Variants in MAN1C1 observed in about 807,000 individuals in gnomAD.
MAN1C1 encodes the protein mannosidase alpha class 1C member 1, also known as mannosyl-oligosaccharide 1,2-alpha-mannosidase IC.
MAN1C1 carries 49 observed loss-of-function variants against 71.5 expected under a neutral mutation model. The observed-to-expected ratio is 0.69, with a 90% CI of 0.54 to 0.87. MAN1C1 has a LOEUF of 0.87. Ranked by LOEUF, MAN1C1 falls within the 40% of genes least tolerant of loss-of-function variation. MAN1C1 has a pLI of 0.00. For synonymous variants in MAN1C1, 352 were observed against 343.7 expected (o/e 1.02, Z -0.27); for missense variants, 743 against 835.0 (o/e 0.89, Z 1.36).
intron 9 of MAN1C1, 66 bp from the exon 10 acceptor site, chr1:25,780,874 T>A: frequency 1.9e-6 from 3 of 1,554,208 alleles, no homozygotes; most frequent in Non-Finnish European, 2.6e-6. Flanking sequence ...CTGACATCTC[T>A]CCTGGATCCC....
chr1:25,677,366 G>A (rs1557760862), intron 1 of MAN1C1, among the ~76,000 whole-genome samples: 1 of 152,020 alleles, frequency 6.6e-6, no homozygotes, highest in Non-Finnish European at 1.5e-5. Flanking sequence ...CAGGAAGGGA[G>A]GGGCTTCCAG....
intron 1 of MAN1C1, among the ~76,000 whole-genome samples, chr1:25,657,491 C>G: frequency 6.6e-6 from 1 of 152,224 alleles, no homozygotes; most frequent in East Asian, 1.9e-4. Context: ...GAATCATCCG[C>G]ACACAGAAGC....
intron 2 of MAN1C1, among the ~76,000 whole-genome samples, chr1:25,707,371 G>A (rs1430499689): frequency 6.6e-6 from 1 of 152,228 alleles, no homozygotes; most frequent in Non-Finnish European, 1.5e-5. Context: ...AAAACCCAGG[G>A]AGGAAGGCAA....
intron 2 of MAN1C1, among the ~76,000 whole-genome samples, chr1:25,695,332 G>A (rs1260477490): frequency 6.6e-6 from 1 of 152,114 alleles, no homozygotes; most frequent in Non-Finnish European, 1.5e-5. Flanking sequence ...AGCGCCATCC[G>A]GAGGCCAGAG....
chr1:25,636,984 A>G (rs2045470954), intron 1 of MAN1C1, among the ~76,000 whole-genome samples: 1 of 151,808 alleles, frequency 6.6e-6, no homozygotes, highest in African/African-American at 2.4e-5. Context: ...GTGAAACCCC[A>G]TCTCTACTAA....
intron 1 of MAN1C1, among the ~76,000 whole-genome samples, chr1:25,683,322 C>A (rs1277898927): frequency 6.6e-6 from 1 of 152,212 alleles, no homozygotes; most frequent in African/African-American, 2.4e-5. Context: ...GCCCAGCAGC[C>A]CCTCCTCTGG....
intron 2 of MAN1C1, among the ~76,000 whole-genome samples, chr1:25,739,456 G>A (rs2047029240): frequency 6.6e-6 from 1 of 152,210 alleles, no homozygotes; most frequent in South Asian, 2.1e-4. Context: ...TGTGGGAATA[G>A]GCTATGCCTT....
intron 1 of MAN1C1, among the ~76,000 whole-genome samples, chr1:25,642,677 A>C (rs1050930143): frequency 4.6e-5 from 7 of 152,266 alleles, no homozygotes; most frequent in Non-Finnish European, 2.9e-5. Context: ...CATAGAAAAC[A>C]CATCCTATTT....
At chr1:25,712,308 A>G (rs1225783937) in intron 2 of MAN1C1, among the ~76,000 whole-genome samples, 1 of 152,200 alleles carries the variant, frequency 6.6e-6, no homozygotes, top group African/African-American at 2.4e-5. Flanking sequence ...CGTGCCCGTT[A>G]GGCACCTTGT....
chr1:25,781,118 T>C lies in MAN1C1; in HGVS notation c.1650+6T>C, dbSNP rs576181774. 2 of 1,613,270 alleles carry C rather than the reference T, an allele frequency of 1.2e-6. No homozygotes were observed. Among genetic ancestry groups the C allele is most frequent in the South Asian group, 2.2e-5 (2 of 91,044 alleles). On this transcript the variant is annotated splice_donor_region_variant and intron_variant, in intron 10 of 11. Coordinates refer to ENST00000374332, the MANE Select transcript of MAN1C1 (RefSeq NM_020379.4). ...GGGGCTGGGAGGTGGTGCTGGTGAG[T>C]GGGCCCCAGGGATGGGCAGCAAGGT...
At chr1:25,768,265 A>C (rs1211378121) in intron 7 of MAN1C1, among the ~76,000 whole-genome samples, 2 of 1,856 alleles carry the variant, frequency 1.1e-3, no homozygotes, top group Non-Finnish European at 2.1e-3. Flanking sequence ...CCCCTCACAC[A>C]CATCACATAC....
chr1:25,777,803 G>C, intron 8 of MAN1C1: 1 of 299,452 alleles, frequency 3.3e-6, no homozygotes, highest in Non-Finnish European at 6.2e-6. Context: ...TAATGGAGGA[G>C]GAGGATCACC....
intron 5 of MAN1C1, among the ~76,000 whole-genome samples, chr1:25,755,696 A>G (rs953565599): frequency 6.6e-6 from 1 of 152,172 alleles, no homozygotes; most frequent in Non-Finnish European, 1.5e-5. Context: ...AGCAAAGCAA[A>G]CTTAATTAGA....
rs530877119 is a variant in MAN1C1 at position 25,730,234 on chromosome 1, T to C, written c.638-16434T>C. On this transcript the variant is annotated intron_variant, in intron 2 of 11. Coordinates refer to ENST00000374332, the MANE Select transcript of MAN1C1 (RefSeq NM_020379.4). This position sits in a 1 kb window ranked among gnomAD's most constrained non-coding sequence, Gnocchi z 4.3. ...AATCCCCTCCCTGCTTCCCTGTCAG[T>C]TTTTGACAGTTACCCTGAAACCGTT... Among the ~76,000 whole-genome samples, 107 of 152,234 alleles carry C rather than the reference T, an allele frequency of 7.0e-4. No individual in the cohort carries two copies. The highest frequency in any genetic ancestry group is 6.0e-3 in the South Asian group (29 of 4,820).
intron 2 of MAN1C1, among the ~76,000 whole-genome samples, chr1:25,686,810 G>A (rs1232348818): frequency 6.6e-6 from 1 of 152,206 alleles, no homozygotes; most frequent in Non-Finnish European, 1.5e-5. Context: ...TTGGAAATGG[G>A]AGTAGGGATA....
chr1:25,756,050 T>C (rs977666321), intron 5 of MAN1C1, among the ~76,000 whole-genome samples: 1 of 152,194 alleles, frequency 6.6e-6, no homozygotes, highest in African/African-American at 2.4e-5. Flanking sequence ...AAGACAATGG[T>C]ATCTACCTCC....
chr1:25,750,974 C>A (rs2047206203), intron 4 of MAN1C1, among the ~76,000 whole-genome samples: 1 of 152,126 alleles, frequency 6.6e-6, no homozygotes, highest in Non-Finnish European at 1.5e-5. Flanking sequence ...TCCCTCTCTT[C>A]CATCCATCTT....
intron 1 of MAN1C1, among the ~76,000 whole-genome samples, chr1:25,626,150 T>C (rs1281176731): frequency 6.6e-6 from 1 of 152,212 alleles, no homozygotes; most frequent in East Asian, 1.9e-4. Flanking sequence ...TGATTGACTT[T>C]ATAAGAAACT....
In MAN1C1 at chr1:25,764,865, T is replaced by C. The variant is rs1557798496; in HGVS notation, c.1141+898T>C. On this transcript the variant is annotated intron_variant, in intron 7 of 11. Coordinates refer to ENST00000374332, the MANE Select transcript of MAN1C1 (RefSeq NM_020379.4). This position sits in a 1 kb window ranked among gnomAD's most constrained non-coding sequence, Gnocchi z 4.4. The stretch of plus-strand genomic sequence containing the variant: ...GAGTTCTAGACCAGCCTGGCCAACA[T>C]GGCGAAACCCTGTCTCTACTAAAAA... Among the ~76,000 whole-genome samples, 1 of 152,004 alleles carries C rather than the reference T, an allele frequency of 6.6e-6. No homozygotes were observed. The highest frequency in any genetic ancestry group is 1.5e-5 in the Non-Finnish European group (1 of 68,004).
Sources: gnomAD v4.1 joint callset for allele counts (sites outside exome capture counted in the v4.1 genomes callset) on GRCh38, gnomAD v4.1.1 for gene constraint, Gnocchi (gnomAD v3.1) non-coding constraint, MANE v1.5 for transcripts, NCBI Gene and HGNC (gene_info 2026-07-23, HGNC 2026-07-21) for gene names.